The following ALCAM variants were observed in gnomAD, a reference collection of about 807,000 sequenced individuals.
The protein encoded by ALCAM is activated leukocyte cell adhesion molecule.
A neutral mutation model predicts 70.9 loss-of-function variants in ALCAM; 30 were observed. The observed-to-expected ratio is 0.42, with a 90% CI of 0.32 to 0.57. The LOEUF is 0.57. ALCAM is among the 20% of genes least tolerant of loss of function. The pLI, the probability that ALCAM is intolerant of heterozygous loss-of-function variation, is 0.11. For synonymous variants in ALCAM, 249 were observed against 242.5 expected (o/e 1.03, Z -0.25); for missense variants, 591 against 695.1 (o/e 0.85, Z 1.68).
At chr3:105,533,135 G>T (rs1939881037) in intron 4 of ALCAM, among the ~76,000 whole-genome samples, 1 of 152,150 alleles carries the variant, frequency 6.6e-6, no homozygotes, top group Non-Finnish European at 1.5e-5. Context: ...TTTAAAGAAA[G>T]TGAGGGGAAT....
intron 1 of ALCAM, among the ~76,000 whole-genome samples, chr3:105,398,070 CAT>C (rs1434650576): frequency 1.3e-5 from 2 of 152,038 alleles, no homozygotes; most frequent in Admixed American, 6.6e-5. Context: ...TTTGTTAAAA[CAT>C]AGGTTGTTGG....
At chr3:105,430,664 T>A (rs902858296) in intron 1 of ALCAM, among the ~76,000 whole-genome samples, 1 of 152,112 alleles carries the variant, frequency 6.6e-6, no homozygotes, top group East Asian at 1.9e-4. Context: ...TTCCCTTTTT[T>A]CATTTTGTGG....
At chr3:105,468,835 T>G (rs1237867144) in intron 1 of ALCAM, among the ~76,000 whole-genome samples, 1 of 151,362 alleles carries the variant, frequency 6.6e-6, no homozygotes, top group East Asian at 1.9e-4. Context: ...AGTTAAGTAT[T>G]GTATTTTTCT....
chr3:105,384,708 A>G (rs1426382293), intron 1 of ALCAM, among the ~76,000 whole-genome samples: 2 of 151,606 alleles, frequency 1.3e-5, no homozygotes, highest in East Asian at 3.9e-4. Context: ...GCTGTACTCC[A>G]TGTAAAATAG....
intron 1 of ALCAM, among the ~76,000 whole-genome samples, chr3:105,515,695 A>G (rs751417296): frequency 3.3e-5 from 5 of 152,034 alleles, no homozygotes; most frequent in Non-Finnish European, 5.9e-5. Flanking sequence ...CTCTCACGAT[A>G]AAGACTTATT....
At chr3:105,565,144 C>T (rs1435386581) in intron 14 of ALCAM, among the ~76,000 whole-genome samples, 5 of 152,122 alleles carry the variant, frequency 3.3e-5, no homozygotes, top group Admixed American at 6.5e-5. Context: ...GAGCAAGACC[C>T]CATCTCTGGA....
chr3:105,543,889 A>G (rs984678174), intron 8 of ALCAM, among the ~76,000 whole-genome samples: 6 of 151,658 alleles, frequency 4.0e-5, no homozygotes, highest in Non-Finnish European at 8.9e-5. Context: ...AAATTGAGAA[A>G]GCATGCTCCT....
At chr3:105,514,812 A>G (rs942992756) in intron 1 of ALCAM, among the ~76,000 whole-genome samples, 4 of 151,956 alleles carry the variant, frequency 2.6e-5, no homozygotes, top group African/African-American at 9.7e-5. Context: ...ATTATAATGT[A>G]TAACACTTGA....
chr3:105,391,254 C>T (rs991989589), intron 1 of ALCAM, among the ~76,000 whole-genome samples: 7 of 151,562 alleles, frequency 4.6e-5, no homozygotes, highest in Admixed American at 6.6e-5. Context: ...CATTTGTTTG[C>T]GTCCTTTCTT....
intron 1 of ALCAM, among the ~76,000 whole-genome samples, chr3:105,432,108 C>G (rs1207130174): frequency 2.0e-5 from 3 of 152,096 alleles, no homozygotes; most frequent in African/African-American, 7.2e-5. Flanking sequence ...AGAGAATATT[C>G]AGTAAAGCAT....
chr3:105,552,207 C>A (rs756748672), intron 13 of ALCAM, 25 bp downstream of exon 13: 1 of 1,580,914 alleles, frequency 6.3e-7, no homozygotes, highest in Non-Finnish European at 8.6e-7. Context: ...GCCGACTCTT[C>A]TTCCTTGACT....
chr3:105,430,625 C>T (rs548205388), intron 1 of ALCAM, among the ~76,000 whole-genome samples: 57 of 152,084 alleles, frequency 3.7e-4, no homozygotes, highest in African/African-American at 1.3e-3. Flanking sequence ...TTGGTGTTGC[C>T]GTATTTCTCC....
intron 1 of ALCAM, among the ~76,000 whole-genome samples, chr3:105,388,390 C>T (rs1288537281): frequency 1.3e-5 from 2 of 151,522 alleles, no homozygotes; most frequent in Non-Finnish European, 3.0e-5. Flanking sequence ...AAGGAAAAAG[C>T]TAGTTCCTCA....
chr3:105,526,202 G>A (rs1352559113), intron 3 of ALCAM, among the ~76,000 whole-genome samples: 5 of 151,544 alleles, frequency 3.3e-5, no homozygotes, highest in Admixed American at 6.6e-5. Context: ...TTCCTACACT[G>A]AGATGGTAAT....
intron 1 of ALCAM, among the ~76,000 whole-genome samples, chr3:105,480,261 A>T (rs1372114126): frequency 6.6e-6 from 1 of 151,948 alleles, no homozygotes; most frequent in African/African-American, 2.4e-5. Flanking sequence ...AAGGCAGGAG[A>T]ATTGCTTGAC....
intron 1 of ALCAM, among the ~76,000 whole-genome samples, chr3:105,455,983 G>A (rs942584462): frequency 2.6e-5 from 4 of 152,200 alleles, no homozygotes; most frequent in Non-Finnish European, 5.9e-5. Flanking sequence ...GGAGGCTGAA[G>A]CATGAGAATC....
At position 105,488,256 on chromosome 3, in the gene ALCAM, A is replaced by G. The variant is rs151180574; in HGVS notation, c.74-31811A>G. On this transcript the variant is annotated intron_variant, in intron 1 of 15. Transcript: ENST00000306107. ...CCATGTTTCTTATACAGCCTGCAGAACTGTGAGCCAAATAAACCTCTTTTC... is the reference window on the plus strand; with the variant it reads ...CCATGTTTCTTATACAGCCTGCAGAGCTGTGAGCCAAATAAACCTCTTTTC... Among the ~76,000 whole-genome samples the G allele has an allele frequency of 4.3e-4, 66 of 152,180 alleles. 2 individuals are homozygous for G. The East Asian group carries it at 0.013, about 29-fold the overall frequency.
At chr3:105,377,885 G>A (rs1559770204) in intron 1 of ALCAM, among the ~76,000 whole-genome samples, 2 of 151,934 alleles carry the variant, frequency 1.3e-5, no homozygotes, top group Non-Finnish European at 2.9e-5. Context: ...ATTTGTATTA[G>A]TTCGTTGTAG....
At chr3:105,474,707 A>G (rs982174004) in intron 1 of ALCAM, among the ~76,000 whole-genome samples, 3 of 151,760 alleles carry the variant, frequency 2.0e-5, no homozygotes, top group Non-Finnish European at 4.4e-5. Flanking sequence ...TCCATCTACT[A>G]CTTTGAAAAT....
Sources: gnomAD v4.1 joint callset for allele counts (sites outside exome capture counted in the v4.1 genomes callset) on GRCh38, gnomAD v4.1.1 for gene constraint, MANE v1.5 for transcripts, NCBI Gene and HGNC (gene_info 2026-07-23, HGNC 2026-07-21) for gene names.